Variants in SLC14A2 observed in about 807,000 individuals in gnomAD.
SLC14A2 encodes the protein urea transporter 2.
Under a neutral mutation model 104.6 loss-of-function variants are expected in SLC14A2, and 91 were observed. The ratio of observed to expected loss-of-function variants is 0.87; its 90% CI spans 0.73 to 1.04. The LOEUF (loss-of-function observed/expected upper bound fraction) is 1.04, where lower values mean the gene tolerates loss of function less well. Among genes scored for constraint, SLC14A2 ranks in the 50% least tolerant of loss-of-function variants. SLC14A2 has a pLI of 0.00. For missense variants in SLC14A2, 1,189 were observed against 1,156.0 expected (o/e 1.03, Z -0.41); for synonymous variants, 476 against 466.4 (o/e 1.02, Z -0.27).
At chr18:45,571,548 T>G (rs1164754854) in intron 2 of SLC14A2, among the ~76,000 whole-genome samples, 1 of 152,226 alleles carries the variant, frequency 6.6e-6, no homozygotes, top group African/African-American at 2.4e-5. Context: ...CATTATAAAA[T>G]TCTAAGAAAT....
At position 45,600,937 on chromosome 18, in the gene SLC14A2, T is replaced by G. The variant is rs760691372; in HGVS notation, c.-34-23694T>G. Reference sequence around the variant, plus strand: ...CCATGAAGCCAACCCTGAGTCAATTTTATGACCATCCTCATTTGAGGGAAC... The same window carrying G: ...CCATGAAGCCAACCCTGAGTCAATTGTATGACCATCCTCATTTGAGGGAAC... On this transcript the variant is annotated intron_variant, in intron 2 of 20. Coordinates refer to the SLC14A2 transcript ENST00000586448. Among the ~76,000 whole-genome samples, 9 of 152,320 alleles carry G rather than the reference T, an allele frequency of 5.9e-5. No individual in the cohort carries two copies. The South Asian group carries it at 1.0e-3, about 18-fold the overall frequency.
At chr18:45,319,757 A>T (rs1376659207) in intron 1 of SLC14A2, among the ~76,000 whole-genome samples, 1 of 152,230 alleles carries the variant, frequency 6.6e-6, no homozygotes, top group Non-Finnish European at 1.5e-5. Flanking sequence ...TCCCAACATC[A>T]TGAAACTGTG....
At chr18:45,456,304 G>C (rs1032807765) in intron 1 of SLC14A2, among the ~76,000 whole-genome samples, 1 of 152,174 alleles carries the variant, frequency 6.6e-6, no homozygotes, top group Non-Finnish European at 1.5e-5. Context: ...CACCATCTGC[G>C]ACCATTCATC....
chr18:45,625,995 C>T (rs2045252361), intron 3 of SLC14A2, 132 bp downstream of exon 3: 1 of 591,058 alleles, frequency 1.7e-6, no homozygotes, highest in Admixed American at 4.3e-5. Flanking sequence ...AGGACTGGAC[C>T]TCACCCAGGG....
chr18:45,173,651 A>C, the SLC14A2 span, among the ~76,000 whole-genome samples: 1 of 152,126 alleles, frequency 6.6e-6, no homozygotes, highest in Non-Finnish European at 1.5e-5. Flanking sequence ...TTAGAACCTG[A>C]CTTGGAACTT....
the SLC14A2 span, among the ~76,000 whole-genome samples, chr18:45,177,985 G>A: frequency 6.6e-6 from 1 of 152,116 alleles, no homozygotes; most frequent in South Asian, 2.1e-4. Flanking sequence ...TCAGAAAAAT[G>A]TCTTCTTCAG....
At chr18:45,426,728 CACACAT>C (rs1017572648) in intron 1 of SLC14A2, among the ~76,000 whole-genome samples, 9 of 151,354 alleles carry the variant, frequency 5.9e-5, no homozygotes, top group African/African-American at 7.3e-5. Context: ...CACACACACA[CACACAT>C]ACATACACGC....
At chr18:45,279,201 C>T (rs1035552533) in intron 1 of SLC14A2, among the ~76,000 whole-genome samples, 3 of 152,140 alleles carry the variant, frequency 2.0e-5, no homozygotes, top group South Asian at 2.1e-4. Flanking sequence ...AACATGCCGA[C>T]AGCAGTAACA....
chr18:45,553,533 C>A (rs1198856613), intron 2 of SLC14A2, among the ~76,000 whole-genome samples: 1 of 152,126 alleles, frequency 6.6e-6, no homozygotes, highest in African/African-American at 2.4e-5. Flanking sequence ...AGATTGTAAG[C>A]AAAATGCCTG....
chr18:45,170,859 C>A, the SLC14A2 span, among the ~76,000 whole-genome samples: 1 of 152,088 alleles, frequency 6.6e-6, no homozygotes, highest in African/African-American at 2.4e-5. Context: ...GAAGGAGTCC[C>A]ACAGGAATCT....
chr18:45,669,938 G>A (rs1419766238), intron 16 of SLC14A2, among the ~76,000 whole-genome samples: 1 of 152,208 alleles, frequency 6.6e-6, no homozygotes, highest in South Asian at 2.1e-4. Flanking sequence ...GGCTTAAGAA[G>A]TCGTTGTTCC....
At chr18:45,251,440 T>C (rs1462630917) in intron 1 of SLC14A2, among the ~76,000 whole-genome samples, 1 of 152,210 alleles carries the variant, frequency 6.6e-6, no homozygotes, top group African/African-American at 2.4e-5. Flanking sequence ...AGAAAAGTAC[T>C]CTTCTCCTGC....
At chr18:45,290,616 A>G (rs2084859869) in intron 1 of SLC14A2, among the ~76,000 whole-genome samples, 1 of 152,218 alleles carries the variant, frequency 6.6e-6, no homozygotes, top group African/African-American at 2.4e-5. Context: ...GCTACTCCCA[A>G]CTGAGATCTG....
At chr18:45,571,244 CATTT>C (rs746696592) in intron 2 of SLC14A2, among the ~76,000 whole-genome samples, 2 of 152,240 alleles carry the variant, frequency 1.3e-5, no homozygotes, top group Non-Finnish European at 2.9e-5. Flanking sequence ...ATTTGACAAA[CATTT>C]ATTTAATAAA....
chr18:45,665,662 G>A (rs923690836), intron 11 of SLC14A2, among the ~76,000 whole-genome samples: 2 of 146,068 alleles, frequency 1.4e-5, no homozygotes, highest in Non-Finnish European at 3.0e-5. Flanking sequence ...AACAGGAAGT[G>A]AAGGGCTTCA....
At chr18:45,406,789 A>G (rs887416010) in intron 1 of SLC14A2, among the ~76,000 whole-genome samples, 1 of 152,194 alleles carries the variant, frequency 6.6e-6, no homozygotes, top group Admixed American at 6.5e-5. Flanking sequence ...GAGTGACTAG[A>G]TACATTGTTA....
chr18:45,260,328 G>C (rs1182993039), intron 1 of SLC14A2, among the ~76,000 whole-genome samples: 1 of 152,134 alleles, frequency 6.6e-6, no homozygotes, highest in Admixed American at 6.5e-5. Flanking sequence ...ATAGTATTCT[G>C]AGTCACATCA....
intron 6 of SLC14A2, among the ~76,000 whole-genome samples, chr18:45,637,924 G>A (rs150962273): frequency 4.6e-5 from 7 of 152,332 alleles, no homozygotes; most frequent in Non-Finnish European, 8.8e-5. Context: ...CTGCGGCCTG[G>A]GAGCAGCGTG....
intron 1 of SLC14A2, among the ~76,000 whole-genome samples, chr18:45,249,127 C>G (rs1697419883): frequency 1.3e-5 from 2 of 152,200 alleles, no homozygotes; most frequent in Non-Finnish European, 2.9e-5. Context: ...TGTGTGTAAG[C>G]AGCTTCACTT....
Sources: allele counts gnomAD v4.1 joint callset (sites outside exome capture counted in the v4.1 genomes callset), GRCh38; gene constraint gnomAD v4.1.1; transcripts MANE v1.5; gene names NCBI Gene and HGNC (gene_info 2026-07-23, HGNC 2026-07-21).